Variants in REV3L observed in about 807,000 individuals in gnomAD.
The protein encoded by REV3L is REV3 like, DNA directed polymerase zeta catalytic subunit.
Under a neutral mutation model 299.4 loss-of-function variants are expected in REV3L, and 69 were observed. That is an observed-to-expected ratio of 0.23 (90% CI 0.19 to 0.28). REV3L has a LOEUF of 0.28. Among genes scored for constraint, REV3L ranks in the 10% least tolerant of loss-of-function variants. The pLI is 1.00. For synonymous variants in REV3L, 1,238 were observed against 1,271.4 expected (o/e 0.97, Z 0.56); for missense variants, 3,128 against 3,693.8 (o/e 0.85, Z 3.97).
At chr6:111,383,152 G>T (rs77033228) in intron 9 of REV3L, among the ~76,000 whole-genome samples, 5,873 of 152,266 alleles carry the variant, frequency 0.039, 212 homozygotes, top group Admixed American at 0.096. Context: ...CTGACTTCAG[G>T]TGTGACCCAG....
Position 111,422,541 on chromosome 6 carries a change from T to TTA in REV3L, c.140-6071_140-6070dup, listed in dbSNP as rs1179299566. On this transcript the variant is annotated intron_variant, in intron 1 of 31. Coordinates refer to ENST00000368802, the MANE Select transcript of REV3L (RefSeq NM_001372078.1). ...TGAGACCAGGTGATGAGTGATTCTT[T>TTA]TATATATATATGGGTGATTCTTTTA... is the stretch of plus-strand genomic sequence containing the variant. Among the ~76,000 whole-genome samples the TTA allele has an allele frequency of 1.6e-4, 23 of 143,588 alleles. 1 individual carries two copies. Among genetic ancestry groups the TTA allele is most frequent in the Non-Finnish European group, 3.2e-4 (21 of 65,536 alleles). 94.2% of individuals were successfully genotyped at this position (143,588 alleles called of 152,430 possible). A position where few individuals can be genotyped will look rare whatever the true frequency, so the allele number is the denominator to read the frequency against.
At chr6:111,384,971 A>G (rs1040367192) in intron 9 of REV3L, among the ~76,000 whole-genome samples, 1 of 152,200 alleles carries the variant, frequency 6.6e-6, no homozygotes, top group African/African-American at 2.4e-5. Context: ...AGTGGAGGAC[A>G]TCATGTTATG....
At chr6:111,416,517 AACAAT>A (rs1784781525) in intron 1 of REV3L, 45 bp from the exon 2 acceptor site, 2 of 1,404,542 alleles carry the variant, frequency 1.4e-6, no homozygotes. Flanking sequence ...GACACAGTTT[AACAAT>A]ACAAAACTCA....
chr6:111,408,715 A>G (rs1465036318), intron 3 of REV3L, among the ~76,000 whole-genome samples: 2 of 152,364 alleles, frequency 1.3e-5, no homozygotes, highest in East Asian at 3.9e-4. Context: ...GATATTTACC[A>G]TATTAGAAAT....
Position 111,318,796 on chromosome 6 carries a change from C to G in REV3L, c.8352-3415G>C, listed in dbSNP as rs534704333. ...TGTTGGTCAGGCTGGTCTCGAACTC[C>G]CGACCTCAGGTGATCTGCCCAAAGT... On this transcript the variant is annotated intron_variant, in intron 26 of 31. Coordinates refer to ENST00000368802, the MANE Select transcript of REV3L (RefSeq NM_001372078.1). 2.0e-3 allele frequency among the ~76,000 whole-genome samples: 300 copies of G among 151,996 alleles called. 1 individual carries two copies. The highest frequency in any genetic ancestry group is 7.1e-3 in the African/African-American group (294 of 41,464).
Position 111,373,576 on chromosome 6 carries a change from T to C in REV3L, c.4779A>G (p.Glu1593=). The change falls in exon 13 of 32, where the codon GAA becomes GAG. Residue 1593 remains glutamate, a synonymous_variant. Transcript: ENST00000368802. The part of the protein sequence containing the change: ...PRTPRSTKQK[E]KIPKLLKVDS... Reference sequence around the variant, plus strand: ...CTACTTTGAGAAGTTTGGGGATTTTTTCTTTTTGTTTTGTACTTCTGGGAG... The same window carrying C: ...CTACTTTGAGAAGTTTGGGGATTTTCTCTTTTTGTTTTGTACTTCTGGGAG... The C allele has an allele frequency of 6.2e-7, 1 of 1,614,054 alleles. No individual in the cohort carries two copies. Among genetic ancestry groups the C allele is most frequent in the Non-Finnish European group, 8.5e-7 (1 of 1,179,976 alleles).
intron 1 of REV3L, among the ~76,000 whole-genome samples, chr6:111,421,832 A>G (rs534360845): frequency 1.6e-3 from 247 of 152,204 alleles, no homozygotes; most frequent in African/African-American, 5.5e-3. Context: ...AAATTTTCAT[A>G]TTTTCTTCTT....
chr6:111,439,638 G>C (rs9374260), intron 1 of REV3L, among the ~76,000 whole-genome samples: 5 of 152,108 alleles, frequency 3.3e-5, no homozygotes, highest in Non-Finnish European at 7.3e-5. Context: ...CAATAACAAC[G>C]AAACATTTCT....
rs201718256 is a variant in REV3L at position 111,460,857 on chromosome 6, G to A, written c.139+21893C>T. Among the ~76,000 whole-genome samples, 8 of 152,166 alleles carry A rather than the reference G, an allele frequency of 5.3e-5. No homozygotes were observed. In the South Asian group the frequency reaches 1.0e-3, roughly 20 times the overall value. On this transcript the variant is annotated intron_variant, in intron 1 of 31. Coordinates refer to ENST00000368802, the MANE Select transcript of REV3L (RefSeq NM_001372078.1). ...TATAATGGTGGTCCCATAAGATTAC[G>A]ATGAAGCTGAAAAATTCCTATCGCC...
chr6:111,384,037 T>C (rs1015566742), intron 9 of REV3L, among the ~76,000 whole-genome samples: 2 of 152,138 alleles, frequency 1.3e-5, no homozygotes, highest in African/African-American at 4.8e-5. Flanking sequence ...TGCTGAGACA[T>C]TGGATATCTA....
chr6:111,397,015 T>C (rs1171399391), intron 4 of REV3L, among the ~76,000 whole-genome samples: 2 of 152,100 alleles, frequency 1.3e-5, no homozygotes, highest in African/African-American at 4.8e-5. Flanking sequence ...TATGTCTTCT[T>C]TTTTCTTGGT....
intron 1 of REV3L, among the ~76,000 whole-genome samples, chr6:111,436,699 G>C (rs913632059): frequency 3.9e-5 from 6 of 152,066 alleles, no homozygotes; most frequent in Admixed American, 2.0e-4. Context: ...GAAGAAACAA[G>C]ACCTAGTGTT....
At position 111,373,226 on chromosome 6, in the gene REV3L, T is replaced by C. The variant is rs748883060; in HGVS notation, c.5129A>G (p.His1710Arg). Residue 1710 changes from histidine (H) to arginine (R), a missense_variant, in exon 13 of 32, where the codon CAT becomes CGT. Transcript: ENST00000368802. ...DNQKCDEDKH[H>R]TTDSASWIRS... is the part of the protein sequence containing the mutation. ...AATCCATGAGGCTGAGTCTGTGGTA[T>C]GATGCTTGTCTTCATCACATTTCTG... The C allele has an allele frequency of 6.2e-7, 1 of 1,614,166 alleles. No individual in the cohort carries two copies. The highest frequency in any genetic ancestry group is 1.1e-5 in the South Asian group (1 of 91,084).
At chr6:111,440,407 G>GT (rs758269324) in intron 1 of REV3L, among the ~76,000 whole-genome samples, 1 of 152,230 alleles carries the variant, frequency 6.6e-6, no homozygotes, top group African/African-American at 2.4e-5. Context: ...ATAAACAAAC[G>GT]TATCTTTTGG....
chr6:111,387,606 G>C lies in REV3L; in HGVS notation c.1096+159C>G, dbSNP rs1407184928. On this transcript the variant is annotated intron_variant, in intron 9 of 31. Transcript: ENST00000368802. ...AACTTCAGGATACTGCTTACCTTTA[G>C]AGATGTAGAAAGGGTGACAGAATGG... 6 of 608,892 alleles carry C rather than the reference G, an allele frequency of 9.9e-6. No individual in the cohort carries two copies. The East Asian group carries it at 1.7e-4, about 17-fold the overall frequency. The allele number at this position is 608,892 out of a possible 1,614,324, so 37.7% of individuals were successfully genotyped here.
At chr6:111,338,695 A>G (rs2114873186) in intron 21 of REV3L, among the ~76,000 whole-genome samples, 1 of 152,194 alleles carries the variant, frequency 6.6e-6, no homozygotes, top group East Asian at 1.9e-4. Flanking sequence ...TGAATCTTAA[A>G]GGTTCCTGAT....
intron 1 of REV3L, among the ~76,000 whole-genome samples, chr6:111,466,472 A>C (rs1791530986): frequency 6.6e-6 from 1 of 152,230 alleles, no homozygotes; most frequent in Admixed American, 6.5e-5. Context: ...TATCAGTTTA[A>C]TACCAGCTTT....
chr6:111,351,717 G>C lies in REV3L; in HGVS notation c.7259C>G (p.Ala2420Gly). Residue 2420 changes from alanine to glycine, a missense_variant, in exon 19 of 32, where the codon GCT becomes GGT. This residue lies in a region of REV3L where 50 missense variants were observed against 48.2 expected (regional missense o/e 1.04). Coordinates refer to ENST00000368802, the MANE Select transcript of REV3L (RefSeq NM_001372078.1). ...SWGYLLQRAA[A>G]LSIDLCRMIS... Reference sequence around the variant, plus strand: ...CATCCGACATAAGTCAATACTTAAAGCGGCAGCCCTTTGTAAGAGGTAACC... The same window carrying C: ...CATCCGACATAAGTCAATACTTAAACCGGCAGCCCTTTGTAAGAGGTAACC... 6.2e-7 allele frequency: 1 copy of C among 1,613,712 alleles called. No individual in the cohort carries two copies. Among genetic ancestry groups the C allele is most frequent in the Non-Finnish European group, 8.5e-7 (1 of 1,179,798 alleles).
In REV3L at chr6:111,307,450, T is replaced by G; in HGVS notation, c.9163A>C (p.Ser3055Arg). ...CDDLTQHGIC[S>R]KCRSQPQHVA... ...TGCTGAGGTTGGCTCCGACATTTAC[T>G]ACAGATGCCATGCTGAGTTAGGTCA... is the stretch of plus-strand genomic sequence containing the variant. The change falls in exon 31 of 32, where the codon AGT becomes CGT. Residue 3055 changes from serine (S) to arginine (R), a missense_variant. Physicochemically the swap from Ser to Arg is moderately radical, Grantham distance 110 (BLOSUM62 -1). Around this residue, in one of 9 missense-constraint regions of REV3L, gnomAD observed 294 missense variants for 377.0 expected, o/e 0.78. Coordinates refer to ENST00000368802, the MANE Select transcript of REV3L (RefSeq NM_001372078.1). 6.2e-7 allele frequency: 1 copy of G among 1,614,218 alleles called. No individual in the cohort carries two copies. Among genetic ancestry groups the G allele is most frequent in the South Asian group, 1.1e-5 (1 of 91,082 alleles).
Sources: gnomAD v4.1 joint callset for allele counts (sites outside exome capture counted in the v4.1 genomes callset) on GRCh38, gnomAD v4.1.1 for gene constraint, gnomAD v4.1.1 regional missense constraint, MANE v1.5 for transcripts, NCBI Gene and HGNC (gene_info 2026-07-23, HGNC 2026-07-21) for gene names.